Variants in JPH2 observed in about 807,000 individuals in gnomAD.
JPH2 encodes junctophilin 2.
A neutral mutation model predicts 55.9 loss-of-function variants in JPH2; 38 were observed. The ratio of observed to expected loss-of-function variants is 0.68; its 90% confidence interval spans 0.52 to 0.89. The LOEUF (loss-of-function observed/expected upper bound fraction) is 0.89. Ranked by LOEUF, JPH2 falls within the 40% of genes least tolerant of loss-of-function variation. The pLI is 0.00. For synonymous variants in JPH2, 480 were observed against 472.4 expected (o/e 1.02, Z -0.21); for missense variants, 964 against 1,037.6 (o/e 0.93, Z 0.97).
At chr20:44,143,618 T>TC (rs1164331592) in intron 2 of JPH2, among the ~76,000 whole-genome samples, 5 of 152,204 alleles carry the variant, frequency 3.3e-5, no homozygotes, top group African/African-American at 1.2e-4. Context: ...TTCTTCCTTC[T>TC]CGTGCTCCCC....
At chr20:44,145,086 CT>C (rs1872667901) in intron 2 of JPH2, among the ~76,000 whole-genome samples, 3 of 152,134 alleles carry the variant, frequency 2.0e-5, no homozygotes, top group Admixed American at 2.0e-4. Context: ...CTCACTGACC[CT>C]GGGGCAGCCA....
At position 44,177,730 on chromosome 20, in the gene JPH2, C is replaced by T. The variant is rs560662457; in HGVS notation, c.379+8597G>A. Reference sequence around the variant, plus strand: ...TGGCAGGACTCAAGGCAGAACTAAGCGAATCAAAGTCTTGTCTTATTTACT... The same window carrying T: ...TGGCAGGACTCAAGGCAGAACTAAGTGAATCAAAGTCTTGTCTTATTTACT... On this transcript the variant is annotated intron_variant, in intron 1 of 5. Transcript: ENST00000372980. The T allele has an allele frequency of 5.9e-5, 81 of 1,381,964 alleles. No individual in the cohort carries two copies. In the Middle Eastern group the frequency reaches 1.4e-3, roughly 24 times the overall value. 85.6% of individuals were successfully genotyped at this position (1,381,964 alleles called of 1,614,324 possible). A position where few individuals can be genotyped will look rare whatever the true frequency, so the allele number is the denominator to read the frequency against.
chr20:44,183,324 G>T (rs2072802910), intron 1 of JPH2, among the ~76,000 whole-genome samples: 1 of 152,240 alleles, frequency 6.6e-6, no homozygotes, highest in African/African-American at 2.4e-5. Context: ...TCAGAAAACA[G>T]TTCAAGGTCA....
At chr20:44,179,246 G>A (rs2072760723) in intron 1 of JPH2, among the ~76,000 whole-genome samples, 2 of 152,162 alleles carry the variant, frequency 1.3e-5, no homozygotes, top group African/African-American at 4.8e-5. Flanking sequence ...TTGCACCTAG[G>A]AAGGGAAATC....
Position 44,116,072 on chromosome 20 carries a change from G to T in JPH2, c.1603C>A (p.Pro535Thr), listed in dbSNP as rs908217758. ...TPSEGAGRRS[P>T]ARPATERMAI... The stretch of plus-strand genomic sequence containing the variant: ...ATGCGCTCGGTGGCTGGACGCGCGG[G>T]GCTGCGGCGGCCCGCGCCCTCGGAC... The change falls in exon 4 of 6, where the codon CCC (proline) becomes ACC (threonine). Residue 535 changes from proline to threonine, a missense_variant. Coordinates refer to ENST00000372980, the MANE Select transcript of JPH2 (RefSeq NM_020433.5). The T allele has an allele frequency of 1.2e-5, 19 of 1,535,646 alleles. No individual in the cohort carries two copies. Among genetic ancestry groups the T allele is most frequent in the Non-Finnish European group, 1.6e-5 (19 of 1,152,162 alleles).
At position 44,110,428 on chromosome 20, in the gene JPH2, G is replaced by GT. The variant is rs76182424; in HGVS notation, c.*3089dup. Among the ~76,000 whole-genome samples, 145 of 147,252 alleles carry GT rather than the reference G, an allele frequency of 9.8e-4. No homozygotes were observed. Among genetic ancestry groups the GT allele is most frequent in the East Asian group, 1.8e-3 (9 of 5,026 alleles). On this transcript the variant is annotated 3_prime_UTR_variant, in exon 6 of 6. Coordinates refer to ENST00000372980, the MANE Select transcript of JPH2 (RefSeq NM_020433.5). ...ATTCCAGAGTTTTGAAAACTTTTGTGTTTTTTTTTTTTTCCAGATGGAGTC... is the reference window on the plus strand; with the variant it reads ...ATTCCAGAGTTTTGAAAACTTTTGTGTTTTTTTTTTTTTTCCAGATGGAGTC...
chr20:44,168,421 C>T (rs994536901), intron 1 of JPH2, among the ~76,000 whole-genome samples: 1 of 152,122 alleles, frequency 6.6e-6, no homozygotes, highest in South Asian at 2.1e-4. Flanking sequence ...ATTGGTTTCA[C>T]CTTTTTAAAT....
At chr20:44,174,999 A>AT (rs1160956816) in intron 1 of JPH2, among the ~76,000 whole-genome samples, 1 of 147,152 alleles carries the variant, frequency 6.8e-6, no homozygotes, top group African/African-American at 2.5e-5. Flanking sequence ...CCTGTCTCAA[A>AT]TTAAAAAAAA....
Position 44,116,147 on chromosome 20 carries a change from CTGG to C in JPH2, c.1525_1527del (p.Pro509del), listed in dbSNP as rs2072189930. ...CCGCTGGGCTCGCCGTTCCAGGCGC[CTGG>C]GCTCAGCAGGCCGTCCTTGGACACC... On this transcript the variant is annotated inframe_deletion, in exon 4 of 6. Transcript: ENST00000372980. 2 of 1,431,042 alleles carry C rather than the reference CTGG, an allele frequency of 1.4e-6. No individual in the cohort carries two copies. The highest frequency in any genetic ancestry group is 1.8e-6 in the Non-Finnish European group (2 of 1,102,746). 88.6% of individuals were successfully genotyped at this position (1,431,042 alleles called of 1,614,324 possible). A position where few individuals can be genotyped will look rare whatever the true frequency, so the allele number is the denominator to read the frequency against.
At position 44,186,981 on chromosome 20, in the gene JPH2, T is replaced by C. The variant is rs543627431; in HGVS notation, c.-276A>G. ...GAAAGCAGGAAGGAAAGGTTCAAAG[T>C]CCCCACAAAGCGTCCCAAGTCTGCC... On this transcript the variant is annotated 5_prime_UTR_variant, in exon 1 of 6. Transcript: ENST00000372980. 5.5e-6 allele frequency: 3 copies of C among 546,894 alleles called. No homozygotes were observed. The highest frequency in any genetic ancestry group is 6.2e-5 in the East Asian group (2 of 32,104). The allele number at this position is 546,894 out of a possible 1,614,324, so 33.9% of individuals were successfully genotyped here.
rs558481077 is a variant in JPH2, at chr20:44,110,262, G to A, written c.*3256C>T. ...CACAGACACACCCCATCTGCAGACCGGCCAACTGGGCTGGCTGCCCACCTG... is the reference window on the plus strand; with the variant it reads ...CACAGACACACCCCATCTGCAGACCAGCCAACTGGGCTGGCTGCCCACCTG... On this transcript the variant is annotated 3_prime_UTR_variant, in exon 6 of 6. Coordinates refer to ENST00000372980, the MANE Select transcript of JPH2 (RefSeq NM_020433.5). Among the ~76,000 whole-genome samples, 43 of 151,936 alleles carry A rather than the reference G, an allele frequency of 2.8e-4. No individual in the cohort carries two copies. In the South Asian group the frequency reaches 8.1e-3, roughly 29 times the overall value.
intron 2 of JPH2, among the ~76,000 whole-genome samples, chr20:44,147,883 C>T (rs1321262211): frequency 6.6e-6 from 1 of 152,198 alleles, no homozygotes; most frequent in African/African-American, 2.4e-5. Flanking sequence ...AACACAAGGG[C>T]CGGGCATGGT....
intron 2 of JPH2, among the ~76,000 whole-genome samples, chr20:44,133,538 C>T (rs138448370): frequency 1.3e-5 from 2 of 152,042 alleles, no homozygotes; most frequent in African/African-American, 2.4e-5. Flanking sequence ...TGTGCTAAGC[C>T]GCATCACCAG....
intron 1 of JPH2, among the ~76,000 whole-genome samples, chr20:44,184,472 A>T (rs1423632465): frequency 6.6e-6 from 1 of 152,148 alleles, no homozygotes; most frequent in East Asian, 1.9e-4. Flanking sequence ...AGAGATTCTG[A>T]TGAGAAGGTC....
rs765754956 is a variant in JPH2 at position 44,116,251 on chromosome 20, C to T, written c.1424G>A (p.Arg475His). 1.4e-4 allele frequency: 206 copies of T among 1,504,900 alleles called. 2 individuals carry two copies. The African/African-American group carries it at 2.3e-3, about 17-fold the overall frequency. The allele number at this position is 1,504,900 out of a possible 1,614,324, so 93.2% of individuals were successfully genotyped here. The change falls in exon 4 of 6, where the codon CGT (arginine) becomes CAT (histidine). Residue 475 changes from arginine (R) to histidine (H), a missense_variant. Coordinates refer to ENST00000372980, the MANE Select transcript of JPH2 (RefSeq NM_020433.5). Reference protein sequence around the residue: ...PPRESPQLHERETPRPEGGSP... With the variant: ...PPRESPQLHEHETPRPEGGSP... ...GCCACCCTCGGGCCGAGGGGTCTCA[C>T]GCTCGTGCAGCTGCGGGCTCTCGCG...
chr20:44,173,972 C>T (rs891190996), intron 1 of JPH2, among the ~76,000 whole-genome samples: 3 of 152,146 alleles, frequency 2.0e-5, no homozygotes, highest in African/African-American at 7.2e-5. Context: ...AGTCCAAGCC[C>T]ATAAGTAATC....
intron 2 of JPH2, among the ~76,000 whole-genome samples, chr20:44,126,734 C>G (rs917517493): frequency 2.0e-5 from 3 of 152,198 alleles, no homozygotes; most frequent in Non-Finnish European, 4.4e-5. Context: ...TGAGCCCCTG[C>G]TATGTGGAGC....
chr20:44,117,808 C>T (rs972835914), intron 3 of JPH2, among the ~76,000 whole-genome samples: 7 of 152,226 alleles, frequency 4.6e-5, no homozygotes, highest in Non-Finnish European at 1.0e-4. Context: ...AGTGCTCATC[C>T]TGCTGTGTGA....
chr20:44,129,382 T>C (rs1005326220), intron 2 of JPH2, among the ~76,000 whole-genome samples: 2 of 152,080 alleles, frequency 1.3e-5, no homozygotes, highest in African/African-American at 4.8e-5. Context: ...TGGTGAAACT[T>C]CGTCTCTACT....
Sources: allele counts gnomAD v4.1 joint callset (sites outside exome capture counted in the v4.1 genomes callset), GRCh38; gene constraint gnomAD v4.1.1; transcripts MANE v1.5; gene names NCBI Gene and HGNC (gene_info 2026-07-23, HGNC 2026-07-21).